MX2: variants seen among roughly 807,000 people sequenced by gnomAD.
MX2 encodes MX dynamin like GTPase 2.
A neutral mutation model predicts 74.0 loss-of-function variants in MX2; 51 were observed. That is an observed-to-expected ratio of 0.69 (90% CI 0.55 to 0.87). The LOEUF is 0.87. MX2 is among the 40% of genes least tolerant of loss of function. The pLI, the probability that MX2 is intolerant of heterozygous loss-of-function variation, is 0.00. For missense variants in MX2, 832 were observed against 908.7 expected (o/e 0.92, Z 1.09); for synonymous variants, 369 against 339.3 (o/e 1.09, Z -0.96).
chr21:41,407,915 C>T, intron 13 of MX2, 76 bp from the exon 14 acceptor site: 6 of 1,579,916 alleles, frequency 3.8e-6, no homozygotes, highest in South Asian at 1.2e-5. Flanking sequence ...CATCCAGGAA[C>T]TCCATGCCTT....
intron 12 of MX2, chr21:41,404,210 C>G (rs1425953258): frequency 6.5e-6 from 1 of 154,428 alleles, no homozygotes; most frequent in African/African-American, 2.4e-5. Context: ...TTTGTGCTGC[C>G]CTTGGATAGA....
intron 4 of MX2, among the ~76,000 whole-genome samples, chr21:41,381,201 T>G (rs2838032): frequency 1.3e-5 from 2 of 152,122 alleles, no homozygotes; most frequent in Non-Finnish European, 2.9e-5. Flanking sequence ...TAACTTCAAA[T>G]TGCAAAAGGT....
chr21:41,402,890 C>T lies in MX2; in HGVS notation c.1574-377C>T. ...TTTGTGCTCCTGTGAGAATCTAGTG[C>T]CACCGCAGATCTGAAAAGAGGTGGG... On this transcript the variant is annotated intron_variant, in intron 11 of 13. Transcript: ENST00000330714. The surrounding 1 kb of genome is among the most constrained non-coding windows in gnomAD (Gnocchi z 4.5). The T allele has an allele frequency of 1.4e-5, 3 of 217,912 alleles. No homozygotes were observed. In the South Asian group the frequency reaches 2.2e-4, roughly 16 times the overall value. 13.5% of individuals were successfully genotyped at this position (217,912 alleles called of 1,614,324 possible). A position where few individuals can be genotyped will look rare whatever the true frequency, so the allele number is the denominator to read the frequency against.
At position 41,408,260 on chromosome 21, in the gene MX2, C is replaced by G. The variant is rs1229243686; in HGVS notation, c.*27C>G. On this transcript the variant is annotated 3_prime_UTR_variant, in exon 14 of 14. Coordinates refer to ENST00000330714, the MANE Select transcript of MX2 (RefSeq NM_002463.2). ...GGGCGGCGATGCCTGTGGTTGTTTT[C>G]TTGTGCGTACTCATTCATTCTAAGG... 1 of 1,610,514 alleles carries G rather than the reference C, an allele frequency of 6.2e-7. No homozygotes were observed. The highest frequency in any genetic ancestry group is 1.7e-5 in the Admixed American group (1 of 59,744).
chr21:41,382,827 C>T (rs191711913), intron 5 of MX2, among the ~76,000 whole-genome samples: 59 of 152,306 alleles, frequency 3.9e-4, no homozygotes, highest in African/African-American at 1.3e-3. Context: ...ACTGTGAACC[C>T]GGTGTGATCA....
At chr21:41,374,614 G>A (rs1021796161) in intron 1 of MX2, among the ~76,000 whole-genome samples, 1 of 152,236 alleles carries the variant, frequency 6.6e-6, no homozygotes, top group African/African-American at 2.4e-5. Flanking sequence ...ACCTCAGGAT[G>A]GGAGGTTGCC....
intron 6 of MX2, among the ~76,000 whole-genome samples, chr21:41,390,923 G>A (rs944760568): frequency 1.3e-5 from 2 of 151,738 alleles, no homozygotes; most frequent in Admixed American, 1.3e-4. Context: ...GGAGAATGGC[G>A]TGAACCCGGG....
chr21:41,394,866 G>A (rs1420278943), intron 6 of MX2, among the ~76,000 whole-genome samples: 1 of 151,872 alleles, frequency 6.6e-6, no homozygotes, highest in African/African-American at 2.4e-5. Flanking sequence ...GCTTGAACCG[G>A]GGAGGCGGAG....
intron 5 of MX2, chr21:41,389,550 GTACATACA>G (rs918232900): frequency 6.6e-6 from 1 of 151,696 alleles, no homozygotes; most frequent in African/African-American, 2.4e-5. Flanking sequence ...ACATACATAC[GTACATACA>G]TACATACATA....
chr21:41,397,975 AG>A (rs1454307012), intron 8 of MX2, among the ~76,000 whole-genome samples: 1 of 152,204 alleles, frequency 6.6e-6, no homozygotes, highest in Non-Finnish European at 1.5e-5. Context: ...TGAGAGAGCA[AG>A]TTTTCTTTTT....
chr21:41,365,643 G>A (rs542676996), intron 1 of MX2: 21 of 152,290 alleles, frequency 1.4e-4, no homozygotes, highest in African/African-American at 4.8e-4. Context: ...TGGCCATTTA[G>A]GTTGATTCTA....
chr21:41,378,915 C>T (rs8132904), intron 3 of MX2, among the ~76,000 whole-genome samples: 42,181 of 152,134 alleles, frequency 0.28, 9,870 homozygotes, highest in African/African-American at 0.64. Flanking sequence ...TACTTCTCAA[C>T]CCAACCAGAA....
chr21:41,400,503 T>C (rs1363825775), intron 10 of MX2, among the ~76,000 whole-genome samples: 1 of 152,162 alleles, frequency 6.6e-6, no homozygotes, highest in Non-Finnish European at 1.5e-5. Context: ...TGTGTGTGTA[T>C]GTGTGTGTCC....
chr21:41,369,260 G>A lies in MX2; in HGVS notation c.-72+7205G>A, dbSNP rs941662949. Reference sequence around the variant, plus strand: ...GGAGAACAGGAGCTGAAGGCTGAGCGGCGGCGGGGCCATTCACACAACCAT... The same window carrying A: ...GGAGAACAGGAGCTGAAGGCTGAGCAGCGGCGGGGCCATTCACACAACCAT... On this transcript the variant is annotated intron_variant, in intron 1 of 13. Transcript: ENST00000330714. Among the ~76,000 whole-genome samples the A allele has an allele frequency of 2.8e-4, 43 of 152,188 alleles. 1 individual carries two copies. The highest frequency in any genetic ancestry group is 2.0e-3 in the Admixed American group (30 of 15,288).
chr21:41,393,496 C>T (rs966518679), intron 6 of MX2, among the ~76,000 whole-genome samples: 4 of 152,062 alleles, frequency 2.6e-5, no homozygotes, highest in Admixed American at 1.3e-4. Flanking sequence ...AACCTCCCTC[C>T]TTCCTGAAAC....
chr21:41,367,372 A>G (rs1163160424), intron 1 of MX2: 1 of 151,208 alleles, frequency 6.6e-6, no homozygotes, highest in Non-Finnish European at 1.5e-5. Context: ...TTCTTTTGAC[A>G]CTCCTGGGAG....
intron 7 of MX2, 74 bp from the exon 8 acceptor site, chr21:41,397,539 C>G: frequency 7.2e-7 from 1 of 1,381,614 alleles, no homozygotes; most frequent in South Asian, 1.2e-5. Flanking sequence ...GCTCACCTAC[C>G]ACGCACAAAG....
intron 1 of MX2, chr21:41,367,417 T>C (rs937968640): frequency 6.6e-6 from 1 of 152,066 alleles, no homozygotes; most frequent in African/African-American, 2.4e-5. Context: ...TGTTTTTCAG[T>C]GAATGATTCT....
intron 5 of MX2, among the ~76,000 whole-genome samples, chr21:41,387,879 G>A (rs924342333): frequency 5.3e-5 from 8 of 152,128 alleles, no homozygotes; most frequent in African/African-American, 1.9e-4. Context: ...CTCAGACAGT[G>A]GCACCTCCAC....
Sources: gnomAD v4.1 joint callset for allele counts (sites outside exome capture counted in the v4.1 genomes callset) on GRCh38, gnomAD v4.1.1 for gene constraint, Gnocchi (gnomAD v3.1) non-coding constraint, MANE v1.5 for transcripts, NCBI Gene and HGNC (gene_info 2026-07-23, HGNC 2026-07-21) for gene names.